TMEM178B: variants seen among roughly 807,000 people sequenced by gnomAD.
The protein encoded by TMEM178B is transmembrane protein 178B.
TMEM178B carries 5 observed loss-of-function variants against 31.0 expected under a neutral mutation model. The ratio of observed to expected loss-of-function variants is 0.16; its 90% CI spans 0.08 to 0.34. The LOEUF is 0.34. TMEM178B is among the 10% of genes least tolerant of loss of function. The pLI is 1.00. For missense variants in TMEM178B, 275 were observed against 400.3 expected, an observed-to-expected ratio of 0.69 and a Z score of 2.67; for synonymous variants, 164 against 164.0, an observed-to-expected ratio of 1.00 and a Z score of 0.00.
At chr7:141,191,964 C>G (rs1158202739) in intron 1 of TMEM178B, among the ~76,000 whole-genome samples, 1 of 152,026 alleles carries the variant, frequency 6.6e-6, no homozygotes, top group Non-Finnish European at 1.5e-5. Context: ...TAAATTTTTC[C>G]AAACAAATAT....
rs904342032 is a variant in TMEM178B at position 141,192,414 on chromosome 7, G to A, written c.383-20177G>A. 7.9e-5 allele frequency among the ~76,000 whole-genome samples: 12 copies of A among 152,082 alleles called. 1 individual carries two copies. Among genetic ancestry groups the A allele is most frequent in the African/African-American group, 2.9e-4 (12 of 41,416 alleles). On this transcript the variant is annotated intron_variant, in intron 1 of 3. Transcript: ENST00000565468. Reference sequence around the variant, plus strand: ...AGCAGAAAAAAGCACCAAGGCAGATGTTCCAGGAGCTAACTGGGAGCTGCT... The same window carrying A: ...AGCAGAAAAAAGCACCAAGGCAGATATTCCAGGAGCTAACTGGGAGCTGCT...
chr7:141,375,676 C>G (rs889142511), intron 2 of TMEM178B, among the ~76,000 whole-genome samples: 2 of 152,100 alleles, frequency 1.3e-5, no homozygotes, highest in Non-Finnish European at 2.9e-5. Flanking sequence ...TTATTGGAGG[C>G]TACGGTTATT....
At chr7:141,228,459 C>G (rs957110437) in intron 2 of TMEM178B, among the ~76,000 whole-genome samples, 1 of 151,978 alleles carries the variant, frequency 6.6e-6, no homozygotes, top group African/African-American at 2.4e-5. Flanking sequence ...GTAGCTATCA[C>G]TTACTCTCAG....
chr7:141,474,661 C>G lies in TMEM178B; in HGVS notation c.*3875C>G, dbSNP rs1204654360. On this transcript the variant is annotated 3_prime_UTR_variant, in exon 4 of 4. Coordinates refer to ENST00000565468, the MANE Select transcript of TMEM178B (RefSeq NM_001195278.2). Reference sequence around the variant, plus strand: ...TGGTCCCACCTAGCAATGCTTGCCTCTCCTGTGACAAGAGGGTAGGATATC... The same window carrying G: ...TGGTCCCACCTAGCAATGCTTGCCTGTCCTGTGACAAGAGGGTAGGATATC... 1 of 152,166 alleles carries G rather than the reference C, an allele frequency of 6.6e-6. No individual in the cohort carries two copies. The highest frequency in any genetic ancestry group is 2.4e-5 in the African/African-American group (1 of 41,436). 9.4% of individuals were successfully genotyped at this position (152,166 alleles called of 1,614,324 possible). A position where few individuals can be genotyped will look rare whatever the true frequency, so the allele number is the denominator to read the frequency against.
At chr7:141,401,681 C>T (rs1800777815) in intron 2 of TMEM178B, among the ~76,000 whole-genome samples, 3 of 152,182 alleles carry the variant, frequency 2.0e-5, no homozygotes, top group African/African-American at 7.2e-5. Context: ...GCTGGAATTA[C>T]AGGCATGAGC....
chr7:141,382,153 C>T (rs962328850), intron 2 of TMEM178B, among the ~76,000 whole-genome samples: 6 of 152,192 alleles, frequency 3.9e-5, no homozygotes, highest in Non-Finnish European at 8.8e-5. Flanking sequence ...ATATAGCAGC[C>T]AAGGTGGCCT....
the TMEM178B span, among the ~76,000 whole-genome samples, chr7:141,488,041 T>C: frequency 6.6e-6 from 1 of 151,692 alleles, no homozygotes; most frequent in Non-Finnish European, 1.5e-5. Context: ...TAATTATCTC[T>C]GAGGTTCATA....
chr7:141,333,935 C>G (rs1053735526), intron 2 of TMEM178B, among the ~76,000 whole-genome samples: 18 of 152,226 alleles, frequency 1.2e-4, no homozygotes, highest in African/African-American at 4.1e-4. Context: ...AGAGCTCTGG[C>G]GGTAATGCTC....
chr7:141,508,018 T>A, the TMEM178B span, among the ~76,000 whole-genome samples: 3 of 152,330 alleles, frequency 2.0e-5, no homozygotes, highest in African/African-American at 7.2e-5. Context: ...CGCTTGAATT[T>A]CTCCCCAGAA....
At chr7:141,082,880 T>G (rs1794709236) in intron 1 of TMEM178B, among the ~76,000 whole-genome samples, 1 of 152,228 alleles carries the variant, frequency 6.6e-6, no homozygotes, top group African/African-American at 2.4e-5. Context: ...TGAGCTCTTT[T>G]TATTGAGTCA....
intron 1 of TMEM178B, among the ~76,000 whole-genome samples, chr7:141,177,441 C>T (rs755271302): frequency 2.0e-5 from 3 of 152,170 alleles, no homozygotes; most frequent in Non-Finnish European, 4.4e-5. Context: ...GTGGAGAGTT[C>T]TGTAGATATC....
intron 2 of TMEM178B, chr7:141,429,577 G>C (rs917882541): frequency 6.6e-6 from 1 of 152,142 alleles, no homozygotes; most frequent in Non-Finnish European, 1.5e-5. Flanking sequence ...TTGGTCAAAG[G>C]ATACATAATT....
intron 1 of TMEM178B, among the ~76,000 whole-genome samples, chr7:141,125,014 G>A (rs1287887540): frequency 6.6e-6 from 1 of 152,158 alleles, no homozygotes; most frequent in Non-Finnish European, 1.5e-5. Context: ...TTTGTTGGAA[G>A]TTAACTAAAG....
chr7:141,288,465 C>A (rs566079511), intron 2 of TMEM178B, among the ~76,000 whole-genome samples: 1 of 149,964 alleles, frequency 6.7e-6, no homozygotes, highest in African/African-American at 2.5e-5. Flanking sequence ...AGCAGAGCAT[C>A]CCTGTCCGGA....
intron 1 of TMEM178B, among the ~76,000 whole-genome samples, chr7:141,125,380 T>C (rs968706005): frequency 6.6e-6 from 1 of 151,962 alleles, no homozygotes; most frequent in Non-Finnish European, 1.5e-5. Context: ...TTCTCCCTGC[T>C]TGTTAAGAAG....
the TMEM178B span, among the ~76,000 whole-genome samples, chr7:141,494,463 A>C: frequency 1.3e-5 from 2 of 152,214 alleles, no homozygotes; most frequent in African/African-American, 2.4e-5. Context: ...AGTTATCTAA[A>C]GTCACCCAAG....
chr7:141,261,612 G>A (rs543780939), intron 2 of TMEM178B, among the ~76,000 whole-genome samples: 20 of 152,308 alleles, frequency 1.3e-4, no homozygotes, highest in Non-Finnish European at 2.2e-4. Flanking sequence ...AGAGCTGTGA[G>A]TGGACGTGAT....
chr7:141,335,526 A>G (rs962720614), intron 2 of TMEM178B, among the ~76,000 whole-genome samples: 1 of 152,184 alleles, frequency 6.6e-6, no homozygotes, highest in Non-Finnish European at 1.5e-5. Flanking sequence ...CAGGAGCCCA[A>G]GGCAACAGCT....
chr7:141,358,842 A>G lies in TMEM178B; in HGVS notation c.497-78766A>G, dbSNP rs149194466. 2.6e-3 allele frequency among the ~76,000 whole-genome samples: 395 copies of G among 152,302 alleles called. 3 individuals carry two copies. Among genetic ancestry groups the G allele is most frequent in the African/African-American group, 8.6e-3 (359 of 41,554 alleles). On this transcript the variant is annotated intron_variant, in intron 2 of 3. Coordinates refer to ENST00000565468, the MANE Select transcript of TMEM178B (RefSeq NM_001195278.2). Reference sequence around the variant, plus strand: ...TAGATCTCAGGGAGATGGGGTTTAGACAAATCATCAATAGATACAGAATTC... The same window carrying G: ...TAGATCTCAGGGAGATGGGGTTTAGGCAAATCATCAATAGATACAGAATTC...
Sources: gnomAD v4.1 joint callset for allele counts (sites outside exome capture counted in the v4.1 genomes callset) on GRCh38, gnomAD v4.1.1 for gene constraint, MANE v1.5 for transcripts, NCBI Gene and HGNC (gene_info 2026-07-23, HGNC 2026-07-21) for gene names.